Variants in TBL1Y observed in about 807,000 individuals in gnomAD.
TBL1Y encodes transducin beta like 1 Y-linked.
A neutral mutation model predicts 12.0 loss-of-function variants in TBL1Y; 15 were observed. That is an observed-to-expected ratio of 1.25 (90% CI 0.83 to 1.92). The LOEUF is 1.92. Ranked by LOEUF, TBL1Y falls within the 40% of genes most tolerant of loss-of-function variation. TBL1Y has a pLI of 0.00. For synonymous variants in TBL1Y, 53 were observed against 42.6 expected (o/e 1.24, Z -0.95); for missense variants, 148 against 116.7 (o/e 1.27, Z -1.24).
intron 3 of TBL1Y, among the ~76,000 whole-genome samples, chrY:6,993,293 G>A: frequency 4.1e-5 from 1 of 24,407 alleles, no homozygotes; most frequent in Non-Finnish European, 8.9e-5. Context: ...TTTCAGCTTA[G>A]GTTGCCACCA....
chrY:6,970,788 T>C (rs2012202088), intron 2 of TBL1Y, among the ~76,000 whole-genome samples: 1 of 33,513 alleles, frequency 3.0e-5, no homozygotes, highest in African/African-American at 1.2e-4. Flanking sequence ...CTGGTATGCA[T>C]GTGTGAGTGA....
chrY:7,065,987 G>C (rs575124966), intron 8 of TBL1Y, among the ~76,000 whole-genome samples: 2 of 34,274 alleles, frequency 5.8e-5, no homozygotes, highest in African/African-American at 2.3e-4. Context: ...AAGGAAAGAG[G>C]TTTAATGGAC....
intron 3 of TBL1Y, among the ~76,000 whole-genome samples, chrY:6,995,050 C>T: frequency 3.1e-5 from 1 of 32,555 alleles, no homozygotes; most frequent in Non-Finnish European, 7.6e-5. Flanking sequence ...CCTGGTGTTG[C>T]TGGTGGTCCT....
chrY:6,999,465 G>A lies in TBL1Y; in HGVS notation c.-140+3567G>A, dbSNP rs1311888257. Among the ~76,000 whole-genome samples the A allele has an allele frequency of 2.2e-4, 7 of 32,236 alleles. No homozygotes were observed. The East Asian group carries it at 4.2e-3, about 19-fold the overall frequency. The allele number at this position is 32,236 out of a possible 37,273, so 86.5% of individuals were successfully genotyped here. ...TTTTTGTCTTCACAGTGACATGACC[G>A]TGGCTCTGAGACCTGAGGCTTAGAT... On this transcript the variant is annotated intron_variant, in intron 4 of 18. Transcript: ENST00000383032.
intron 6 of TBL1Y, among the ~76,000 whole-genome samples, chrY:7,033,881 A>G: frequency 3.0e-5 from 1 of 33,580 alleles, no homozygotes. Context: ...ATCATACTGA[A>G]TGGGCAAAAA....
chrY:6,951,598 G>A, intron 2 of TBL1Y, among the ~76,000 whole-genome samples: 1 of 33,054 alleles, frequency 3.0e-5, no homozygotes, highest in Non-Finnish European at 7.4e-5. Flanking sequence ...CGGTCTATCA[G>A]TTTTGCTGAT....
chrY:7,062,905 C>A (rs929465144), intron 7 of TBL1Y, among the ~76,000 whole-genome samples: 1 of 33,976 alleles, frequency 2.9e-5, no homozygotes, highest in Non-Finnish European at 7.3e-5. Flanking sequence ...ATCGTGGTCC[C>A]GACCACCAAG....
At chrY:6,935,136 G>A in intron 2 of TBL1Y, among the ~76,000 whole-genome samples, 4 of 31,914 alleles carry the variant, frequency 1.3e-4, no homozygotes, top group Non-Finnish European at 3.0e-4. Context: ...ACCTCCCAAA[G>A]TGTTGGGATT....
At chrY:6,957,606 G>C in intron 2 of TBL1Y, among the ~76,000 whole-genome samples, 1 of 33,880 alleles carries the variant, frequency 3.0e-5, no homozygotes, top group East Asian at 7.8e-4. Context: ...TAACCCAGTT[G>C]GCTATCCCTT....
intron 4 of TBL1Y, among the ~76,000 whole-genome samples, chrY:7,006,798 A>G: frequency 3.0e-5 from 1 of 33,580 alleles, no homozygotes; most frequent in Non-Finnish European, 7.4e-5. Context: ...AAGTGGGCAA[A>G]GGATATGAAC....
In TBL1Y at chrY:7,086,422, G is replaced by T; in HGVS notation, c.1280+5G>T. ...CTCCAGCATCATGTTGGCAAGGTAA[G>T]GGCCGGCAGCACAACTGGTACAGCT... On this transcript the variant is annotated splice_donor_5th_base_variant and intron_variant, in intron 16 of 18. Transcript: ENST00000383032. 1 of 381,295 alleles carries T rather than the reference G, an allele frequency of 2.6e-6. No homozygotes were observed. The highest frequency in any genetic ancestry group is 3.7e-6 in the Non-Finnish European group (1 of 272,232).
intron 4 of TBL1Y, among the ~76,000 whole-genome samples, chrY:7,004,102 T>G: frequency 2.9e-5 from 1 of 33,964 alleles, no homozygotes; most frequent in Non-Finnish European, 7.3e-5. Context: ...TTTGATGAAC[T>G]GAAATGTGCC....
intron 2 of TBL1Y, among the ~76,000 whole-genome samples, chrY:6,968,610 G>A (rs2012186036): frequency 3.0e-5 from 1 of 33,688 alleles, no homozygotes. Flanking sequence ...CTAACTGTGT[G>A]TTGAAGACGT....
chrY:6,972,567 A>T, intron 2 of TBL1Y, among the ~76,000 whole-genome samples: 4 of 33,008 alleles, frequency 1.2e-4, no homozygotes, highest in Non-Finnish European at 2.2e-4. Flanking sequence ...AGCTTGTGAA[A>T]ACTCTGCCAT....
chrY:7,022,268 CTA>C (rs2012587866), intron 5 of TBL1Y, among the ~76,000 whole-genome samples: 1 of 29,785 alleles, frequency 3.4e-5, no homozygotes, highest in Admixed American at 3.2e-4. Context: ...TTTTTTAAAA[CTA>C]TAGAAATTTG....
At chrY:7,079,718 CT>C (rs2013081553) in intron 13 of TBL1Y, among the ~76,000 whole-genome samples, 1 of 32,537 alleles carries the variant, frequency 3.1e-5, no homozygotes, top group South Asian at 7.0e-4. Flanking sequence ...TTTCAGGAGG[CT>C]TTTTTTTTAC....
At chrY:7,036,418 C>T (rs964901073) in intron 6 of TBL1Y, among the ~76,000 whole-genome samples, 1 of 32,814 alleles carries the variant, frequency 3.0e-5, no homozygotes, top group Non-Finnish European at 7.5e-5. Flanking sequence ...CTAGGGGAGC[C>T]GAGAGAAGAG....
chrY:7,086,032 G>A, intron 15 of TBL1Y, 60 bp downstream of exon 15: 1 of 340,764 alleles, frequency 2.9e-6, no homozygotes, highest in Non-Finnish European at 4.3e-6. Context: ...GGCACTTGAC[G>A]TCAGTCTCAC....
intron 2 of TBL1Y, among the ~76,000 whole-genome samples, chrY:6,929,212 C>T: frequency 3.0e-5 from 1 of 32,990 alleles, no homozygotes; most frequent in Non-Finnish European, 7.5e-5. Flanking sequence ...GCCTAGGAAC[C>T]TATCTGCCTC....
Sources: allele counts gnomAD v4.1 joint callset (sites outside exome capture counted in the v4.1 genomes callset), GRCh38; gene constraint gnomAD v4.1.1; transcripts MANE v1.5; gene names NCBI Gene and HGNC (gene_info 2026-07-23, HGNC 2026-07-21).